NFIB: variants seen among roughly 807,000 people sequenced by gnomAD.
NFIB encodes the protein nuclear factor I B.
Under a neutral mutation model 61.5 loss-of-function variants are expected in NFIB, and 11 were observed. That is an observed-to-expected ratio of 0.18 (90% CI 0.11 to 0.30). The LOEUF is 0.30. Among genes scored for constraint, NFIB ranks in the 10% least tolerant of loss-of-function variants. The pLI, the probability that NFIB is intolerant of heterozygous loss-of-function variation, is 1.00. For missense variants in NFIB, 471 were observed against 608.9 expected (o/e 0.77, Z 2.38); for synonymous variants, 260 against 216.5 (o/e 1.20, Z -1.76).
chr9:14,333,598 G>C (rs1477729791), intron 1 of NFIB, among the ~76,000 whole-genome samples: 1 of 152,142 alleles, frequency 6.6e-6, no homozygotes, highest in African/African-American at 2.4e-5. Flanking sequence ...CACTTCAGCA[G>C]CCTTGGCCTA....
chr9:14,478,840 G>A, the NFIB span, among the ~76,000 whole-genome samples: 20 of 152,112 alleles, frequency 1.3e-4, no homozygotes, highest in Non-Finnish European at 7.3e-5. Context: ...CCCTAGAAGT[G>A]GAATTATGGT....
intron 2 of NFIB, among the ~76,000 whole-genome samples, chr9:14,262,858 G>T (rs1343510176): frequency 1.3e-5 from 2 of 152,078 alleles, no homozygotes; most frequent in Non-Finnish European, 1.5e-5. Context: ...GTTTTGAGAT[G>T]TAGCTGTTTC....
At chr9:14,182,679 C>A (rs2046905968) in intron 2 of NFIB, among the ~76,000 whole-genome samples, 1 of 84,504 alleles carries the variant, frequency 1.2e-5, no homozygotes, top group African/African-American at 3.9e-5. Context: ...CTCAACACCC[C>A]CCACCTCTCT....
the NFIB span, among the ~76,000 whole-genome samples, chr9:14,464,559 A>T: frequency 6.6e-6 from 1 of 152,214 alleles, no homozygotes; most frequent in Non-Finnish European, 1.5e-5. Context: ...AGGCACACAG[A>T]CCTGAAGTTG....
chr9:14,527,958 A>G, the NFIB span, among the ~76,000 whole-genome samples: 1 of 152,294 alleles, frequency 6.6e-6, no homozygotes, highest in African/African-American at 2.4e-5. Context: ...GTTTTCTAAT[A>G]TATATATTTA....
chr9:14,163,380 C>T (rs2044414846), intron 3 of NFIB, among the ~76,000 whole-genome samples: 1 of 151,686 alleles, frequency 6.6e-6, no homozygotes, highest in Admixed American at 6.6e-5. Flanking sequence ...AATACAAAAT[C>T]CAACTGTTTT....
chr9:14,523,976 A>G, the NFIB span, among the ~76,000 whole-genome samples: 63 of 152,206 alleles, frequency 4.1e-4, no homozygotes, highest in Non-Finnish European at 8.2e-4. Flanking sequence ...AAAAGACGGC[A>G]TAACAATTCA....
At chr9:14,498,817 T>C in the NFIB span, among the ~76,000 whole-genome samples, 2 of 76,524 alleles carry the variant, frequency 2.6e-5, no homozygotes, top group African/African-American at 1.6e-4. Flanking sequence ...CTTCCTCCCT[T>C]CCTCCCTTCC....
chr9:14,524,020 T>C, the NFIB span, among the ~76,000 whole-genome samples: 3 of 152,182 alleles, frequency 2.0e-5, no homozygotes, highest in Admixed American at 1.3e-4. Context: ...TTCATTACCA[T>C]TGATCAACCC....
At chr9:14,194,473 G>C (rs2048275346) in intron 2 of NFIB, among the ~76,000 whole-genome samples, 1 of 151,956 alleles carries the variant, frequency 6.6e-6, no homozygotes, top group South Asian at 2.1e-4. Context: ...AAGCCAGATA[G>C]GAAAACGAAT....
At chr9:14,285,745 C>A (rs2058667956) in intron 2 of NFIB, among the ~76,000 whole-genome samples, 1 of 152,118 alleles carries the variant, frequency 6.6e-6, no homozygotes, top group Non-Finnish European at 1.5e-5. Flanking sequence ...TAAATGCTCA[C>A]TAAATGTTAG....
chr9:14,101,318 GAATT>G (rs1371749323), intron 10 of NFIB, among the ~76,000 whole-genome samples: 2 of 152,148 alleles, frequency 1.3e-5, no homozygotes, highest in African/African-American at 4.8e-5. Flanking sequence ...ACATGGTAGT[GAATT>G]AATAAAAAGT....
rs1028665343 is a variant in NFIB, at chr9:14,313,960, G to A, written c.-449C>T. On this transcript the variant is annotated 5_prime_UTR_variant, in exon 1 of 11. Transcript: ENST00000380953. This position sits in a 1 kb window ranked among gnomAD's most constrained non-coding sequence, Gnocchi z 4.5. ...TCAAAAAAGGCGGGGAGGGGGGCGC[G>A]GGAGGGCGCAGGAGGGCGAGCGGGC... is the stretch of plus-strand genomic sequence containing the variant. 2.4e-5 allele frequency: 25 copies of A among 1,062,036 alleles called. No homozygotes were observed. The African/African-American group carries it at 3.4e-4, about 14-fold the overall frequency. The allele number at this position is 1,062,036 out of a possible 1,614,324, so 65.8% of individuals were successfully genotyped here. A position where few individuals can be genotyped will look rare whatever the true frequency, so the allele number is the denominator to read the frequency against.
In NFIB at chr9:14,237,843, G is replaced by C. The variant is rs1357848853; in HGVS notation, c.563-58063C>G. On this transcript the variant is annotated intron_variant, in intron 2 of 10. Transcript: ENST00000380953. ...GCTCCTCACCCTGCTAGGTATAACA[G>C]TGTGTGTGTGTGTGTGTGTGTGTGT... is the stretch of plus-strand genomic sequence containing the variant. 3.0e-4 allele frequency among the ~76,000 whole-genome samples: 4 copies of C among 13,194 alleles called. 1 individual carries two copies. Among genetic ancestry groups the C allele is most frequent in the South Asian group, 1.3e-3 (1 of 776 alleles). The allele number at this position is 13,194 out of a possible 152,430, so 8.7% of individuals were successfully genotyped here.
intron 7 of NFIB, among the ~76,000 whole-genome samples, chr9:14,121,256 TCAAA>T (rs776581199): frequency 5.1e-4 from 78 of 152,220 alleles, no homozygotes; most frequent in African/African-American, 7.7e-4. Context: ...GAACCCCATC[TCAAA>T]CAAACAAACA....
chr9:14,132,864 C>G (rs1034840419), intron 6 of NFIB, among the ~76,000 whole-genome samples: 1 of 152,150 alleles, frequency 6.6e-6, no homozygotes, highest in Non-Finnish European at 1.5e-5. Flanking sequence ...TGCATACGGT[C>G]TTCTTTTTTC....
Position 14,360,985 on chromosome 9 carries a change from T to C in NFIB, c.108+37539A>G, listed in dbSNP as rs1434009821. Among the ~76,000 whole-genome samples the C allele has an allele frequency of 2.0e-5, 3 of 152,180 alleles. No homozygotes were observed. The East Asian group carries it at 5.8e-4, about 29-fold the overall frequency. On this transcript the variant is annotated intron_variant, in intron 1 of 8. Coordinates refer to the NFIB transcript ENST00000380934. ...AGAAAACCCCAGGGATAGACATATTTCATTAATTATTTTTAAAATAAAAAT... is the reference window on the plus strand; with the variant it reads ...AGAAAACCCCAGGGATAGACATATTCCATTAATTATTTTTAAAATAAAAAT...
intron 2 of NFIB, among the ~76,000 whole-genome samples, chr9:14,183,544 C>G (rs1452750405): frequency 1.3e-5 from 2 of 152,124 alleles, no homozygotes; most frequent in East Asian, 3.9e-4. Context: ...GCTAGGACTA[C>G]AGGCGCACAC....
Position 14,097,502 on chromosome 9 carries a change from GT to G in NFIB, c.1468-9177del, listed in dbSNP as rs1303572120. The stretch of plus-strand genomic sequence containing the variant: ...ACTGAGAGCAGGAAATGCTAACCTA[GT>G]GAATTCGCGGGGATGTTCTAAGTGT... On this transcript the variant is annotated intron_variant, in intron 10 of 10. Transcript: ENST00000380953. Among the ~76,000 whole-genome samples the G allele has an allele frequency of 3.3e-5, 5 of 152,264 alleles. No individual in the cohort carries two copies. The East Asian group carries it at 9.7e-4, about 29-fold the overall frequency.
Sources: allele counts gnomAD v4.1 joint callset (sites outside exome capture counted in the v4.1 genomes callset), GRCh38; gene constraint gnomAD v4.1.1; non-coding constraint Gnocchi (gnomAD v3.1); transcripts MANE v1.5; gene names NCBI Gene and HGNC (gene_info 2026-07-23, HGNC 2026-07-21).